Variants in PIK3R5 observed in about 807,000 individuals in gnomAD.
PIK3R5 encodes the protein phosphoinositide-3-kinase regulatory subunit 5, also known as phosphoinositide 3-kinase regulatory subunit 5.
Under a neutral mutation model 94.9 loss-of-function variants are expected in PIK3R5, and 32 were observed. The observed-to-expected ratio is 0.34, with a 90% CI of 0.25 to 0.45. The LOEUF (loss-of-function observed/expected upper bound fraction) is 0.45, where lower values mean the gene tolerates loss of function less well. Among genes scored for constraint, PIK3R5 ranks in the 20% least tolerant of loss-of-function variants. The pLI, the probability that PIK3R5 is intolerant of heterozygous loss-of-function variation, is 1.00. For synonymous variants in PIK3R5, 443 were observed against 479.4 expected, an observed-to-expected ratio of 0.92 and a Z score of 0.99; for missense variants, 853 against 1,144.6, an observed-to-expected ratio of 0.75 and a Z score of 3.68.
chr17:8,900,326 A>G (rs1346954443), intron 5 of PIK3R5, among the ~76,000 whole-genome samples: 1 of 152,170 alleles, frequency 6.6e-6, no homozygotes, highest in Non-Finnish European at 1.5e-5. Context: ...TCCTCCTTTA[A>G]GCCAGCTCTA....
At position 8,893,719 on chromosome 17, in the gene PIK3R5, C is replaced by T. The variant is rs1597381666; in HGVS notation, c.413-64G>A. The T allele has an allele frequency of 5.6e-6, 7 of 1,260,516 alleles. No homozygotes were observed. In the East Asian group the frequency reaches 1.4e-4, roughly 25 times the overall value. The allele number at this position is 1,260,516 out of a possible 1,614,324, so 78.1% of individuals were successfully genotyped here. A position where few individuals can be genotyped will look rare whatever the true frequency, so the allele number is the denominator to read the frequency against. On this transcript the variant is annotated intron_variant, in intron 5 of 18. Coordinates refer to ENST00000447110, the MANE Select transcript of PIK3R5 (RefSeq NM_001142633.3). This position sits in a 1 kb window ranked among gnomAD's most constrained non-coding sequence, Gnocchi z 5.1. Reference sequence around the variant, plus strand: ...TTCCTTCAGCATCGTCCGTGTGCCTCGTGGGGAGCCAAGCACTGGACAATC... The same window carrying T: ...TTCCTTCAGCATCGTCCGTGTGCCTTGTGGGGAGCCAAGCACTGGACAATC...
At chr17:8,931,605 A>G (rs1435823883) in intron 1 of PIK3R5, among the ~76,000 whole-genome samples, 1 of 152,342 alleles carries the variant, frequency 6.6e-6, no homozygotes, top group East Asian at 1.9e-4. Flanking sequence ...TTGGAACTCT[A>G]CAAATGGCTG....
chr17:8,922,809 T>C (rs1054084533), intron 1 of PIK3R5, among the ~76,000 whole-genome samples: 12 of 152,056 alleles, frequency 7.9e-5, no homozygotes, highest in African/African-American at 1.7e-4. Context: ...AGAAGGACTC[T>C]GGGGCCAGGA....
At position 8,888,716 on chromosome 17, in the gene PIK3R5, G is replaced by A. The variant is rs762866212; in HGVS notation, c.1071C>T (p.Ser357=). The change falls in exon 10 of 19, where the codon TCC becomes TCT. Residue 357 remains serine (S), a synonymous_variant. Coordinates refer to ENST00000447110, the MANE Select transcript of PIK3R5 (RefSeq NM_001142633.3). The surrounding 1 kb of genome is among the most constrained non-coding windows in gnomAD (Gnocchi z 7.8). Reference sequence around the variant, plus strand: ...CCTGGGAGGATGCAAGGGACAAGGTGGAGTCATGGGACGCCAAAGAGCTGG... The same window carrying A: ...CCTGGGAGGATGCAAGGGACAAGGTAGAGTCATGGGACGCCAAAGAGCTGG... The part of the protein sequence containing the change: ...LSTSSLASHD[S]TLSLASSQAS... 4 of 1,613,834 alleles carry A rather than the reference G, an allele frequency of 2.5e-6. No homozygotes were observed. The highest frequency in any genetic ancestry group is 2.2e-5 in the East Asian group (1 of 44,896).
intron 1 of PIK3R5, among the ~76,000 whole-genome samples, chr17:8,936,235 C>T (rs1368001624): frequency 1.3e-5 from 2 of 152,130 alleles, no homozygotes; most frequent in East Asian, 1.9e-4. Context: ...GCGGTTCATT[C>T]GTTAAAATTA....
chr17:8,901,408 G>C (rs866403568), intron 5 of PIK3R5, among the ~76,000 whole-genome samples: 2 of 152,196 alleles, frequency 1.3e-5, no homozygotes, highest in Admixed American at 6.5e-5. Context: ...TGACTGATGG[G>C]GGGGCAGGTA....
chr17:8,900,347 G>A (rs1435090586), intron 5 of PIK3R5, among the ~76,000 whole-genome samples: 1 of 152,170 alleles, frequency 6.6e-6, no homozygotes, highest in Non-Finnish European at 1.5e-5. Flanking sequence ...TCATCGTGCT[G>A]GTTTCCTCAT....
rs2091065959 is a variant in PIK3R5 at position 8,935,896 on chromosome 17, T to A, written c.-13-24389A>T. 6.6e-6 allele frequency among the ~76,000 whole-genome samples: 1 copy of A among 151,890 alleles called. No individual in the cohort carries two copies. The highest frequency in any genetic ancestry group is 2.1e-4 in the South Asian group (1 of 4,818). ...AGTGAAACCCGATCTCTACTAAAAA[T>A]ACAAAAAATTAGCCGGGCGTGGTGG... On this transcript the variant is annotated intron_variant, in intron 1 of 18. Coordinates refer to ENST00000447110, the MANE Select transcript of PIK3R5 (RefSeq NM_001142633.3). This position sits in a 1 kb window ranked among gnomAD's most constrained non-coding sequence, Gnocchi z 4.5.
In PIK3R5 at chr17:8,925,928, G is replaced by A. The variant is rs2090874923; in HGVS notation, c.-13-14421C>T. On this transcript the variant is annotated intron_variant, in intron 1 of 18. Transcript: ENST00000447110. This position sits in a 1 kb window ranked among gnomAD's most constrained non-coding sequence, Gnocchi z 5.1. The stretch of plus-strand genomic sequence containing the variant: ...ATCCCCTTCAGACCCCAATGGAGAG[G>A]TCTGGGCTACAGCTCTCTATTTGGG... Among the ~76,000 whole-genome samples, 1 of 152,314 alleles carries A rather than the reference G, an allele frequency of 6.6e-6. No homozygotes were observed. The highest frequency in any genetic ancestry group is 3.4e-3 in the Middle Eastern group (1 of 294).
Position 8,890,194 on chromosome 17 carries a change from C to T in PIK3R5, c.658-68G>A. On this transcript the variant is annotated intron_variant, in intron 7 of 18. Coordinates refer to ENST00000447110, the MANE Select transcript of PIK3R5 (RefSeq NM_001142633.3). This position sits in a 1 kb window ranked among gnomAD's most constrained non-coding sequence, Gnocchi z 6.1. ...GCTAGCTGTCCACCTGTTCCAGTTG[C>T]TAGCTTCTTACTGAGGGAGGCAGTG... 1 of 1,542,082 alleles carries T rather than the reference C, an allele frequency of 6.5e-7. No individual in the cohort carries two copies. The highest frequency in any genetic ancestry group is 1.1e-5 in the South Asian group (1 of 88,806).
Position 8,886,471 on chromosome 17 carries a change from C to T in PIK3R5, c.2034+6G>A. The T allele has an allele frequency of 1.2e-6, 2 of 1,600,408 alleles. No individual in the cohort carries two copies. Among genetic ancestry groups the T allele is most frequent in the Non-Finnish European group, 1.7e-6 (2 of 1,172,638 alleles). On this transcript the variant is annotated splice_donor_region_variant and intron_variant, in intron 13 of 18. Coordinates refer to ENST00000447110, the MANE Select transcript of PIK3R5 (RefSeq NM_001142633.3). The stretch of plus-strand genomic sequence containing the variant: ...GAAGAGGCGGTTCGGGGCAGGGAGG[C>T]CTTACCTCGGTCTGATAGACTTGCA...
chr17:8,900,220 G>T (rs1376904851), intron 5 of PIK3R5, among the ~76,000 whole-genome samples: 1 of 152,102 alleles, frequency 6.6e-6, no homozygotes, highest in Non-Finnish European at 1.5e-5. Flanking sequence ...AACCTCAAAG[G>T]TTATGGTTTT....
intron 14 of PIK3R5, among the ~76,000 whole-genome samples, chr17:8,885,994 T>C (rs1345767582): frequency 4.0e-5 from 5 of 124,664 alleles, no homozygotes; most frequent in East Asian, 2.6e-4. Context: ...TGGGTAACCC[T>C]ACCTTCCCGT....
At chr17:8,949,720 G>A (rs1457102888) in intron 1 of PIK3R5, among the ~76,000 whole-genome samples, 1 of 152,124 alleles carries the variant, frequency 6.6e-6, no homozygotes, top group Non-Finnish European at 1.5e-5. Flanking sequence ...CTATACGGAT[G>A]CAAAGGCATA....
intron 1 of PIK3R5, among the ~76,000 whole-genome samples, chr17:8,940,848 A>C (rs755711915): frequency 6.6e-6 from 1 of 152,212 alleles, no homozygotes; most frequent in African/African-American, 2.4e-5. Flanking sequence ...GGTGCGAGCC[A>C]CTGTGCCTGG....
chr17:8,881,556 C>A lies in PIK3R5; in HGVS notation c.2382+74G>T. 9.0e-7 allele frequency: 1 copy of A among 1,115,398 alleles called. No homozygotes were observed. The highest frequency in any genetic ancestry group is 1.3e-6 in the Non-Finnish European group (1 of 745,084). 69.1% of individuals were successfully genotyped at this position (1,115,398 alleles called of 1,614,324 possible). On this transcript the variant is annotated intron_variant, in intron 17 of 18. Coordinates refer to ENST00000447110, the MANE Select transcript of PIK3R5 (RefSeq NM_001142633.3). This position sits in a 1 kb window ranked among gnomAD's most constrained non-coding sequence, Gnocchi z 4.8. ...GCACACACATACATGTGCACACACA[C>A]GTACACACATACGCACATGCACGCT...
intron 1 of PIK3R5, among the ~76,000 whole-genome samples, chr17:8,937,182 A>G (rs1444841399): frequency 6.6e-6 from 1 of 152,218 alleles, no homozygotes; most frequent in Non-Finnish European, 1.5e-5. Context: ...TTTTATACAT[A>G]GACAATCATG....
Position 8,888,124 on chromosome 17 carries a change from A to AACCCTGTT in PIK3R5, c.1616+39_1616+46dup, listed in dbSNP as rs1226259935. On this transcript the variant is annotated intron_variant, in intron 10 of 18. Coordinates refer to ENST00000447110, the MANE Select transcript of PIK3R5 (RefSeq NM_001142633.3). The surrounding 1 kb of genome is among the most constrained non-coding windows in gnomAD (Gnocchi z 7.8). ...AGGCCCCAGATTCCACCAGCACAAC[A>AACCCTGTT]ACCCTGTTACCCAGGGCAGAGGGAT... 6.3e-7 allele frequency: 1 copy of AACCCTGTT among 1,589,974 alleles called. No individual in the cohort carries two copies. Among genetic ancestry groups the AACCCTGTT allele is most frequent in the Non-Finnish European group, 8.6e-7 (1 of 1,160,006 alleles).
chr17:8,950,244 G>C (rs936134466), intron 1 of PIK3R5, among the ~76,000 whole-genome samples: 3 of 152,216 alleles, frequency 2.0e-5, no homozygotes, highest in Non-Finnish European at 2.9e-5. Context: ...TAGGGACATT[G>C]CTCCTAAAAT....
Sources: gnomAD v4.1 joint callset for allele counts (sites outside exome capture counted in the v4.1 genomes callset) on GRCh38, gnomAD v4.1.1 for gene constraint, Gnocchi (gnomAD v3.1) non-coding constraint, MANE v1.5 for transcripts, NCBI Gene and HGNC (gene_info 2026-07-23, HGNC 2026-07-21) for gene names.